The following POLR2E variants were observed in gnomAD, a reference collection of about 807,000 sequenced individuals.
POLR2E encodes DNA-directed RNA polymerases I, II, and III subunit RPABC1.
A neutral mutation model predicts 29.8 loss-of-function variants in POLR2E; 35 were observed. The observed-to-expected ratio is 1.17, with a 90% confidence interval of 0.90 to 1.55. The LOEUF is 1.55. Among genes scored for constraint, POLR2E ranks in the 40% most tolerant of loss-of-function variants. POLR2E has a pLI of 0.00. For synonymous variants in POLR2E, 174 were observed against 112.6 expected (o/e 1.55, Z -3.45); for missense variants, 287 against 288.6 (o/e 0.99, Z 0.04).
intron 6 of POLR2E, 92 bp from the exon 7 acceptor site, chr19:1,089,643 C>T: frequency 2.7e-6 from 3 of 1,124,824 alleles, no homozygotes; most frequent in Non-Finnish European, 4.0e-6. Context: ...CTGGGGATGG[C>T]CGGCAGGGGT....
chr19:1,092,772 T>C (rs1599795748), intron 2 of POLR2E, among the ~76,000 whole-genome samples: 1 of 151,126 alleles, frequency 6.6e-6, no homozygotes, highest in Admixed American at 6.6e-5. Context: ...ACCTAGCTTT[T>C]TGGGAGGCTG....
At chr19:1,090,060 C>T (rs200116010) in intron 5 of POLR2E, 27 bp downstream of exon 5, 61 of 1,324,364 alleles carry the variant, frequency 4.6e-5, no homozygotes, top group Middle Eastern at 5.0e-4. Context: ...CAGGGAGGGG[C>T]GGGGCCGGTG....
In POLR2E at chr19:1,090,118, T is replaced by C. The variant is rs2043797519; in HGVS notation, c.457A>G (p.Lys153Glu). Residue 153 changes from lysine (K) to glutamate (E), a missense_variant, in exon 5 of 8, where the codon AAG (lysine) becomes GAG (glutamate). Coordinates refer to ENST00000615234, the MANE Select transcript of POLR2E (RefSeq NM_002695.5). Reference sequence around the variant, plus strand: ...GCCAGCAGCTCTGTCACCTCCTCCTTGGTCATGACGACGTGCTCAGGGACT... The same window carrying C: ...GCCAGCAGCTCTGTCACCTCCTCCTCGGTCATGACGACGTGCTCAGGGACT... ...ELVPEHVVMT[K>E]EEVTELLARY... 6.2e-6 allele frequency: 10 copies of C among 1,612,612 alleles called. No individual in the cohort carries two copies. The highest frequency in any genetic ancestry group is 6.8e-6 in the Non-Finnish European group (8 of 1,179,920).
At chr19:1,095,128 C>T (rs1359617706) in intron 1 of POLR2E, 131 bp downstream of exon 1, 6 of 935,704 alleles carry the variant, frequency 6.4e-6, no homozygotes, top group Non-Finnish European at 9.7e-6. Flanking sequence ...GACCTCTGGG[C>T]CTCCCGTATC....
rs906025020 is a variant in POLR2E, at chr19:1,088,524, C to G, written c.*211G>C. On this transcript the variant is annotated 3_prime_UTR_variant, in exon 8 of 8. Coordinates refer to ENST00000615234, the MANE Select transcript of POLR2E (RefSeq NM_002695.5). ...CCTTGTTCCTTCTGAGGCTGCATCT[C>G]GCACAAATCCACAGGTGAATGGGGC... is the stretch of plus-strand genomic sequence containing the variant. The G allele has an allele frequency of 1.3e-5, 2 of 152,330 alleles. No individual in the cohort carries two copies. Among genetic ancestry groups the G allele is most frequent in the Non-Finnish European group, 2.9e-5 (2 of 68,112 alleles). The allele number at this position is 152,330 out of a possible 1,614,324, so 9.4% of individuals were successfully genotyped here.
At chr19:1,095,164 C>G in intron 1 of POLR2E, 95 bp downstream of exon 1, 1 of 1,322,986 alleles carries the variant, frequency 7.6e-7, no homozygotes, top group East Asian at 2.4e-5. Context: ...CGCTGCTGCT[C>G]CGACGAGAGT....
chr19:1,090,396 A>C (rs1404295735), intron 4 of POLR2E, among the ~76,000 whole-genome samples: 1 of 149,684 alleles, frequency 6.7e-6, no homozygotes, highest in Non-Finnish European at 1.5e-5. Context: ...CTGTCCCAGC[A>C]CTAGGGTCCC....
intron 2 of POLR2E, chr19:1,093,700 G>A (rs2043886069): frequency 1.5e-6 from 2 of 1,357,306 alleles, no homozygotes; most frequent in African/African-American, 1.5e-5. Flanking sequence ...GGACTGAGAG[G>A]GAAACTAGAA....
chr19:1,088,947 T>G (rs2043769026), intron 7 of POLR2E, among the ~76,000 whole-genome samples: 1 of 152,070 alleles, frequency 6.6e-6, no homozygotes, highest in East Asian at 1.9e-4. Flanking sequence ...GCCCCACCCC[T>G]GGGCTGAGTG....
At chr19:1,095,127 G>A (rs2043912932) in intron 1 of POLR2E, 132 bp downstream of exon 1, 2 of 927,920 alleles carry the variant, frequency 2.2e-6, no homozygotes, top group Non-Finnish European at 3.3e-6. Flanking sequence ...CGACCTCTGG[G>A]CCTCCCGTAT....
chr19:1,091,014 G>C (rs748981309), intron 3 of POLR2E, 26 bp from the exon 4 acceptor site: 3 of 1,601,392 alleles, frequency 1.9e-6, no homozygotes, highest in East Asian at 2.2e-5. Flanking sequence ...TCTAAGGCAC[G>C]GCCCGGAGGG....
Position 1,090,071 on chromosome 19 carries a change from G to A in POLR2E, c.488+16C>T, listed in dbSNP as rs748793119. On this transcript the variant is annotated intron_variant, in intron 5 of 7. Coordinates refer to ENST00000615234, the MANE Select transcript of POLR2E (RefSeq NM_002695.5). ...GGGACAGGGAGGGGCGGGGCCGGTG[G>A]GGCTGGAAAGGATACTATCGGGCCA... is the stretch of plus-strand genomic sequence containing the variant. 5.0e-6 allele frequency: 8 copies of A among 1,611,068 alleles called. No homozygotes were observed. In the East Asian group the frequency reaches 1.3e-4, roughly 27 times the overall value.
In POLR2E at chr19:1,093,990, C is replaced by T. The variant is rs141821175; in HGVS notation, c.146G>A (p.Ser49Asn). 3.1e-4 allele frequency: 505 copies of T among 1,613,870 alleles called. No homozygotes were observed. Among genetic ancestry groups the T allele is most frequent in the Non-Finnish European group, 4.1e-4 (489 of 1,179,960 alleles). Reference protein sequence around the residue: ...EFKAQSGDKPSEGRPRRTDLT... With the variant: ...EFKAQSGDKPNEGRPRRTDLT... The stretch of plus-strand genomic sequence containing the variant: ...GTCCGTGCGCCGCGGCCGCCCCTCA[C>T]TCGGCTTGTCCCCAGATTGGGCTTT... The change falls in exon 2 of 8, where the codon AGT becomes AAT. Residue 49 changes from serine to asparagine, a missense_variant. Physicochemically the swap from Ser to Asn is conservative, Grantham distance 46. Transcript: ENST00000615234.
In POLR2E at chr19:1,088,556, G is replaced by A. The variant is rs897411756; in HGVS notation, c.*179C>T. ...ATCCACAGGTGAATGGGGCGGGCTG[G>A]GCCACAGGAAGCCTCACCCCAGGAC... On this transcript the variant is annotated 3_prime_UTR_variant, in exon 8 of 8. Coordinates refer to ENST00000615234, the MANE Select transcript of POLR2E (RefSeq NM_002695.5). 2 of 152,274 alleles carry A rather than the reference G, an allele frequency of 1.3e-5. No individual in the cohort carries two copies. Among genetic ancestry groups the A allele is most frequent in the African/African-American group, 2.4e-5 (1 of 41,430 alleles). 9.4% of individuals were successfully genotyped at this position (152,274 alleles called of 1,614,324 possible). A position where few individuals can be genotyped will look rare whatever the true frequency, so the allele number is the denominator to read the frequency against.
Position 1,092,816 on chromosome 19 carries a change from G to A in POLR2E, c.233-909C>T, listed in dbSNP as rs372016261. ...GGATTGTTTGAACCTGGGAGGTGGA[G>A]GTTGCAGTGAGCTGAGATTGCGCCA... is the stretch of plus-strand genomic sequence containing the variant. On this transcript the variant is annotated intron_variant, in intron 2 of 7. Coordinates refer to ENST00000615234, the MANE Select transcript of POLR2E (RefSeq NM_002695.5). Among the ~76,000 whole-genome samples, 4 of 150,852 alleles carry A rather than the reference G, an allele frequency of 2.7e-5. No homozygotes were observed. The South Asian group carries it at 8.4e-4, about 32-fold the overall frequency.
Position 1,091,900 on chromosome 19 carries a change from G to A in POLR2E, c.240C>T (p.Pro80=), listed in dbSNP as rs746007286. Residue 80 remains proline (P), a synonymous_variant, in exon 3 of 8, where the codon CCC becomes CCT. Transcript: ENST00000615234. The part of the protein sequence containing the change: ...DQMFVFFPEE[P]KVGIKTIKVY... ...CCTTGATGGTCTTGATGCCCACCTT[G>A]GGCTCCTCTGCAGACAGAGAGTGTG... 1 of 1,608,882 alleles carries A rather than the reference G, an allele frequency of 6.2e-7. No individual in the cohort carries two copies. Among genetic ancestry groups the A allele is most frequent in the East Asian group, 2.2e-5 (1 of 44,870 alleles).
At chr19:1,090,234 G>T in intron 4 of POLR2E, 89 bp from the exon 5 acceptor site, 2 of 1,122,192 alleles carry the variant, frequency 1.8e-6, no homozygotes, top group Non-Finnish European at 2.7e-6. Flanking sequence ...TGCGCCTTCA[G>T]ACGGACAAGA....
chr19:1,091,733 G>C, intron 3 of POLR2E, 59 bp downstream of exon 3: 3 of 1,189,260 alleles, frequency 2.5e-6, no homozygotes, highest in Non-Finnish European at 3.7e-6. Flanking sequence ...TGTGGGTACT[G>C]CTTGCGGGAG....
rs17554924 is a variant in POLR2E, at chr19:1,095,353, C to T, written c.-38G>A. The stretch of plus-strand genomic sequence containing the variant: ...CGCCGCCGCCGCTCGCACCCCTTCT[C>T]CGCGCGAGAACCCGCGCGGACTGCG... On this transcript the variant is annotated 5_prime_UTR_variant, in exon 1 of 8. Coordinates refer to ENST00000615234, the MANE Select transcript of POLR2E (RefSeq NM_002695.5). 9.3e-6 allele frequency: 15 copies of T among 1,611,126 alleles called. No individual in the cohort carries two copies. The highest frequency in any genetic ancestry group is 1.7e-5 in the Admixed American group (1 of 59,908).
Sources: allele counts gnomAD v4.1 joint callset (sites outside exome capture counted in the v4.1 genomes callset), GRCh38; gene constraint gnomAD v4.1.1; transcripts MANE v1.5; gene names NCBI Gene and HGNC (gene_info 2026-07-23, HGNC 2026-07-21).